Variants in TTYH1 observed in about 807,000 individuals in gnomAD.
TTYH1 encodes the protein protein tweety homolog 1.
TTYH1 carries 33 observed loss-of-function variants against 61.2 expected under a neutral mutation model. The ratio of observed to expected loss-of-function variants is 0.54; its 90% CI spans 0.41 to 0.72. The LOEUF (loss-of-function observed/expected upper bound fraction) is 0.72, where lower values mean the gene tolerates loss of function less well. TTYH1 is among the 30% of genes least tolerant of loss of function. TTYH1 has a pLI of 0.00. For synonymous variants in TTYH1, 308 were observed against 266.4 expected, an observed-to-expected ratio of 1.16 and a Z score of -1.52; for missense variants, 538 against 575.8, an observed-to-expected ratio of 0.93 and a Z score of 0.67.
Position 54,434,424 on chromosome 19 carries a change from TCCTCTGCACAGC to T in TTYH1, c.1126-1110_1126-1099del, listed in dbSNP as rs2083498113. 6.5e-6 allele frequency: 1 copy of T among 153,222 alleles called. No homozygotes were observed. Among genetic ancestry groups the T allele is most frequent in the Non-Finnish European group, 1.5e-5 (1 of 68,892 alleles). 9.5% of individuals were successfully genotyped at this position (153,222 alleles called of 1,614,324 possible). ...CCTCTGGCCTCAGCCCCTCCCAGCT[TCCTCTGCACAGC>T]CCTCTGCCTGGCTCCTTCCTGGAGG... On this transcript the variant is annotated intron_variant, in intron 10 of 13. Coordinates refer to ENST00000376530, the MANE Select transcript of TTYH1 (RefSeq NM_020659.4). This position sits in a 1 kb window ranked among gnomAD's most constrained non-coding sequence, Gnocchi z 4.3.
rs986425214 is a variant in TTYH1 at position 54,419,921 on chromosome 19, A to G, written c.305+615A>G. 6.6e-6 allele frequency among the ~76,000 whole-genome samples: 1 copy of G among 152,182 alleles called. No homozygotes were observed. Among genetic ancestry groups the G allele is most frequent in the Non-Finnish European group, 1.5e-5 (1 of 68,024 alleles). ...TATAATCACCCTCCAAGAGCACCTC[A>G]TCTGTGCCCAGACCTGAGCTGGTCT... is the stretch of plus-strand genomic sequence containing the variant. On this transcript the variant is annotated intron_variant, in intron 2 of 13. Coordinates refer to ENST00000376530, the MANE Select transcript of TTYH1 (RefSeq NM_020659.4). The surrounding 1 kb of genome is among the most constrained non-coding windows in gnomAD (Gnocchi z 6.1).
rs983320813 is a variant in TTYH1 at position 54,416,354 on chromosome 19, C to G, written c.126+676C>G. The stretch of plus-strand genomic sequence containing the variant: ...CAGACCCGGGTCCCGAGGGTGGGGC[C>G]GGTGTGGGAACCTCACAGAAGCCGG... On this transcript the variant is annotated intron_variant, in intron 1 of 13. Transcript: ENST00000376530. The surrounding 1 kb of genome is among the most constrained non-coding windows in gnomAD (Gnocchi z 7.0). 165 of 244,860 alleles carry G rather than the reference C, an allele frequency of 6.7e-4. No homozygotes were observed. The highest frequency in any genetic ancestry group is 9.9e-4 in the Non-Finnish European group (118 of 119,602). The allele number at this position is 244,860 out of a possible 1,614,324, so 15.2% of individuals were successfully genotyped here.
At chr19:54,435,797 CCTCT>C (rs752347418) in intron 11 of TTYH1, 27 bp from the exon 12 acceptor site, 4 of 1,613,884 alleles carry the variant, frequency 2.5e-6, no homozygotes, top group Admixed American at 3.3e-5. Context: ...CCCCATCCCG[CCTCT>C]CTGCCATGCC....
chr19:54,430,997 GC>G, intron 9 of TTYH1, 92 bp downstream of exon 9: 1 of 1,506,998 alleles, frequency 6.6e-7, no homozygotes, highest in Non-Finnish European at 9.1e-7. Context: ...GGGCTGCAGA[GC>G]TAGGCGGGGC....
Position 54,421,244 on chromosome 19 carries a change from C to A in TTYH1, c.306-33C>A. 6.7e-7 allele frequency: 1 copy of A among 1,497,638 alleles called. No homozygotes were observed. The allele number at this position is 1,497,638 out of a possible 1,614,324, so 92.8% of individuals were successfully genotyped here. On this transcript the variant is annotated intron_variant, in intron 2 of 13. Transcript: ENST00000376530. This position sits in a 1 kb window ranked among gnomAD's most constrained non-coding sequence, Gnocchi z 4.8. The stretch of plus-strand genomic sequence containing the variant: ...CGGTGGCCCCCGGGGTCCTGGGACC[C>A]GCTGAGATTCCTCTCCCTCCTCCTC...
At chr19:54,431,007 G>T (rs1458029236) in intron 9 of TTYH1, 92 bp from the exon 10 acceptor site, 23 of 1,520,322 alleles carry the variant, frequency 1.5e-5, no homozygotes, top group Non-Finnish European at 2.0e-5. Context: ...GCTAGGCGGG[G>T]CCTTGGGTTG....
rs2083067421 is a variant in TTYH1, at chr19:54,415,905, G to C, written c.126+227G>C. The C allele has an allele frequency of 1.2e-6, 1 of 800,566 alleles. No individual in the cohort carries two copies. Among genetic ancestry groups the C allele is most frequent in the Non-Finnish European group, 1.9e-6 (1 of 524,130 alleles). 49.6% of individuals were successfully genotyped at this position (800,566 alleles called of 1,614,324 possible). A position where few individuals can be genotyped will look rare whatever the true frequency, so the allele number is the denominator to read the frequency against. ...ACCTCGAGCTCTCTAAATAAGGGAA[G>C]GCTGGGGACCTGCACCCCTGAGTTC... On this transcript the variant is annotated intron_variant, in intron 1 of 13. Transcript: ENST00000376530. The surrounding 1 kb of genome is among the most constrained non-coding windows in gnomAD (Gnocchi z 5.2).
intron 1 of TTYH1, among the ~76,000 whole-genome samples, chr19:54,417,331 G>A (rs897056261): frequency 2.0e-5 from 3 of 147,624 alleles, no homozygotes; most frequent in African/African-American, 7.6e-5. Flanking sequence ...ACTCAGACAC[G>A]CCCACTTACT....
In TTYH1 at chr19:54,419,284, A is replaced by G. The variant is rs1387808691; in HGVS notation, c.283A>G (p.Ile95Val). Reference sequence around the variant, plus strand: ...GGGAGGCTGCGTCACCTGGAGCTGCATTGTCGCCCTTCTCGCCGGCTGGTA... The same window carrying G: ...GGGAGGCTGCGTCACCTGGAGCTGCGTTGTCGCCCTTCTCGCCGGCTGGTA... ...PGGGCVTWSC[I>V]VALLAGCTGI... The change falls in exon 2 of 14, where the codon ATT (isoleucine) becomes GTT (valine). Residue 95 changes from isoleucine (I) to valine (V), a missense_variant. This residue lies in a region of TTYH1 where 157 missense variants were observed against 157.0 expected (regional missense o/e 1.00). Transcript: ENST00000376530. The surrounding 1 kb of genome is among the most constrained non-coding windows in gnomAD (Gnocchi z 6.1). 6.9e-7 allele frequency: 1 copy of G among 1,441,276 alleles called. No individual in the cohort carries two copies. Among genetic ancestry groups the G allele is most frequent in the Non-Finnish European group, 9.3e-7 (1 of 1,077,408 alleles). The allele number at this position is 1,441,276 out of a possible 1,614,324, so 89.3% of individuals were successfully genotyped here. A position where few individuals can be genotyped will look rare whatever the true frequency, so the allele number is the denominator to read the frequency against.
At position 54,416,970 on chromosome 19, in the gene TTYH1, AG is replaced by A. The variant is rs1569248503; in HGVS notation, c.126+1295del. Reference sequence around the variant, plus strand: ...CACTCCGCCCCCACGGTCGGGGGTCAGGGTCAGGGTGGCAGGGATGCGCGGG... The same window carrying A: ...CACTCCGCCCCCACGGTCGGGGGTCAGGTCAGGGTGGCAGGGATGCGCGGG... On this transcript the variant is annotated intron_variant, in intron 1 of 13. Coordinates refer to ENST00000376530, the MANE Select transcript of TTYH1 (RefSeq NM_020659.4). The surrounding 1 kb of genome is among the most constrained non-coding windows in gnomAD (Gnocchi z 7.0). 7 of 1,226,650 alleles carry A rather than the reference AG, an allele frequency of 5.7e-6. No homozygotes were observed. Among genetic ancestry groups the A allele is most frequent in the Non-Finnish European group, 7.3e-6 (7 of 958,856 alleles). 76.0% of individuals were successfully genotyped at this position (1,226,650 alleles called of 1,614,324 possible).
Position 54,430,878 on chromosome 19 carries a change from A to G in TTYH1, c.1005A>G (p.Glu335=). The G allele has an allele frequency of 6.2e-7, 1 of 1,613,550 alleles. No individual in the cohort carries two copies. The highest frequency in any genetic ancestry group is 8.5e-7 in the Non-Finnish European group (1 of 1,179,990). The change falls in exon 9 of 14, where the codon GAA becomes GAG. Residue 335 remains glutamate (E), a synonymous_variant. Coordinates refer to ENST00000376530, the MANE Select transcript of TTYH1 (RefSeq NM_020659.4). ...IHSQLLGLER[E]AVPQFPSAQK... Reference sequence around the variant, plus strand: ...CCCAGCTGCTGGGCCTGGAGCGAGAAGCTGTGCCTCAGTTCCCTTCAGCGC... The same window carrying G: ...CCCAGCTGCTGGGCCTGGAGCGAGAGGCTGTGCCTCAGTTCCCTTCAGCGC...
Position 54,419,604 on chromosome 19 carries a change from T to C in TTYH1, c.305+298T>C. Reference sequence around the variant, plus strand: ...TGGTGGCTCTCCCATTGAATAGCTGTGTGACCTAAGGGAGTGATAGTCTCC... The same window carrying C: ...TGGTGGCTCTCCCATTGAATAGCTGCGTGACCTAAGGGAGTGATAGTCTCC... On this transcript the variant is annotated intron_variant, in intron 2 of 13. Coordinates refer to ENST00000376530, the MANE Select transcript of TTYH1 (RefSeq NM_020659.4). This position sits in a 1 kb window ranked among gnomAD's most constrained non-coding sequence, Gnocchi z 6.1. 1.6e-6 allele frequency: 1 copy of C among 644,082 alleles called. No individual in the cohort carries two copies. Among genetic ancestry groups the C allele is most frequent in the Admixed American group, 2.1e-5 (1 of 48,130 alleles). The allele number at this position is 644,082 out of a possible 1,614,324, so 39.9% of individuals were successfully genotyped here.
chr19:54,430,815 G>T lies in TTYH1; in HGVS notation c.942G>T (p.Arg314Ser). Residue 314 changes from arginine to serine, a missense_variant and splice_region_variant, in exon 9 of 14, where the codon AGG becomes AGT. Coordinates refer to ENST00000376530, the MANE Select transcript of TTYH1 (RefSeq NM_020659.4). ...TCCCTCCCTTTCTCTTTCTGCAGAGGCTGACTCTGTCCCAGCGAGCTCTGG... is the reference window on the plus strand; with the variant it reads ...TCCCTCCCTTTCTCTTTCTGCAGAGTCTGACTCTGTCCCAGCGAGCTCTGG... ...NRAVSNPFQQ[R>S]LTLSQRALAN... 6.2e-7 allele frequency: 1 copy of T among 1,613,704 alleles called. No homozygotes were observed. The highest frequency in any genetic ancestry group is 1.1e-5 in the South Asian group (1 of 91,058).
Position 54,436,030 on chromosome 19 carries a change from G to A in TTYH1, c.1315-61G>A, listed in dbSNP as rs2083543738. The stretch of plus-strand genomic sequence containing the variant: ...AGGGAGGAGGGGCTGGGGTCCCACA[G>A]TACAAAGCCAATTCCCACTCCATTC... On this transcript the variant is annotated intron_variant, in intron 12 of 13. Transcript: ENST00000376530. The surrounding 1 kb of genome is among the most constrained non-coding windows in gnomAD (Gnocchi z 4.3). The A allele has an allele frequency of 3.1e-6, 5 of 1,595,132 alleles. No individual in the cohort carries two copies. The highest frequency in any genetic ancestry group is 4.3e-6 in the Non-Finnish European group (5 of 1,163,866).
Position 54,435,810 on chromosome 19 carries a change from C to G in TTYH1, c.1269-18C>G. 1 of 1,613,876 alleles carries G rather than the reference C, an allele frequency of 6.2e-7. No homozygotes were observed. Among genetic ancestry groups the G allele is most frequent in the Non-Finnish European group, 8.5e-7 (1 of 1,179,926 alleles). On this transcript the variant is annotated intron_variant, in intron 11 of 13. Coordinates refer to ENST00000376530, the MANE Select transcript of TTYH1 (RefSeq NM_020659.4). The stretch of plus-strand genomic sequence containing the variant: ...GTCCCCATCCCGCCTCTCTGCCATG[C>G]CCCGCATCAAACCCCAGTGACGACT...
Position 54,426,653 on chromosome 19 carries a change from C to T in TTYH1, c.639-20C>T. The T allele has an allele frequency of 6.2e-7, 1 of 1,609,284 alleles. No homozygotes were observed. Among genetic ancestry groups the T allele is most frequent in the Non-Finnish European group, 8.5e-7 (1 of 1,176,540 alleles). On this transcript the variant is annotated intron_variant, in intron 4 of 13. Transcript: ENST00000376530. ...CTGGAGGCAGGTTTGTGGTTTCAGC[C>T]CTACCCTCTCCCCTCCCAGGTGGCT...
Position 54,420,076 on chromosome 19 carries a change from A to G in TTYH1, c.305+770A>G, listed in dbSNP as rs73606753. Among the ~76,000 whole-genome samples, 3,673 of 152,026 alleles carry G rather than the reference A, an allele frequency of 0.024. 129 individuals are homozygous for G. Among genetic ancestry groups the G allele is most frequent in the African/African-American group, 0.08 (3,337 of 41,470 alleles). On this transcript the variant is annotated intron_variant, in intron 2 of 13. Transcript: ENST00000376530. This position sits in a 1 kb window ranked among gnomAD's most constrained non-coding sequence, Gnocchi z 4.8. Reference sequence around the variant, plus strand: ...CTTAAGAGGCAGCACAGAGATTCAGACCCAGGTTAGTAGGACCCCCTCACA... The same window carrying G: ...CTTAAGAGGCAGCACAGAGATTCAGGCCCAGGTTAGTAGGACCCCCTCACA...
intron 1 of TTYH1, chr19:54,417,016 A>G (rs937499703): frequency 2.6e-6 from 3 of 1,164,832 alleles, no homozygotes; most frequent in Admixed American, 3.6e-5. Context: ...ACAGCCGAGG[A>G]GGGCAAGGGG....
rs2083414930 is a variant in TTYH1, at chr19:54,430,528, C to T, written c.884-22C>T. 4 of 1,613,924 alleles carry T rather than the reference C, an allele frequency of 2.5e-6. No individual in the cohort carries two copies. The Admixed American group carries it at 5.0e-5, about 20-fold the overall frequency. ...GGGGGCCCAGGCTCATGGCCTCCTC[C>T]CCTCTCCTCCTCCCACTTCAGACAT... On this transcript the variant is annotated intron_variant, in intron 7 of 13. Coordinates refer to ENST00000376530, the MANE Select transcript of TTYH1 (RefSeq NM_020659.4).
Sources: allele counts gnomAD v4.1 joint callset (sites outside exome capture counted in the v4.1 genomes callset), GRCh38; gene constraint gnomAD v4.1.1; regional missense constraint gnomAD v4.1.1; non-coding constraint Gnocchi (gnomAD v3.1); transcripts MANE v1.5; gene names NCBI Gene and HGNC (gene_info 2026-07-23, HGNC 2026-07-21).